DSCAM: variants seen among roughly 807,000 people sequenced by gnomAD.
DSCAM encodes the protein DS cell adhesion molecule.
DSCAM carries 47 observed loss-of-function variants against 217.7 expected under a neutral mutation model. The observed-to-expected ratio is 0.22, with a 90% CI of 0.17 to 0.28. The LOEUF is 0.28. Among genes scored for constraint, DSCAM ranks in the 10% least tolerant of loss-of-function variants. The pLI, the probability that DSCAM is intolerant of heterozygous loss-of-function variation, is 1.00. For synonymous variants in DSCAM, 1,056 were observed against 1,015.3 expected (o/e 1.04, Z -0.76); for missense variants, 2,080 against 2,618.3 (o/e 0.79, Z 4.49).
At chr21:40,497,115 T>C (rs991115083) in intron 3 of DSCAM, among the ~76,000 whole-genome samples, 2 of 152,180 alleles carry the variant, frequency 1.3e-5, no homozygotes, top group South Asian at 2.1e-4. Flanking sequence ...AGAACTACCA[T>C]ATTATCCAGT....
chr21:40,175,811 A>ACACACG (rs1555886111), intron 15 of DSCAM, among the ~76,000 whole-genome samples: 164 of 127,538 alleles, frequency 1.3e-3, no homozygotes, highest in African/African-American at 3.0e-3. Context: ...ACACACACGC[A>ACACACG]CACACACACA....
intron 3 of DSCAM, among the ~76,000 whole-genome samples, chr21:40,524,340 C>CT (rs925592122): frequency 1.5e-4 from 23 of 151,794 alleles, no homozygotes; most frequent in Non-Finnish European, 2.8e-4. Context: ...GGATAATTCT[C>CT]TTTTTTTTCC....
At chr21:40,138,294 T>C (rs1416094916) in intron 18 of DSCAM, among the ~76,000 whole-genome samples, 1 of 148,662 alleles carries the variant, frequency 6.7e-6, no homozygotes, top group Non-Finnish European at 1.5e-5. Context: ...TGTGTGTACC[T>C]GTGTGCGTGG....
At chr21:40,835,381 T>C (rs540143390) in intron 1 of DSCAM, among the ~76,000 whole-genome samples, 1 of 152,330 alleles carries the variant, frequency 6.6e-6, no homozygotes, top group East Asian at 1.9e-4. Flanking sequence ...TCTTCTGCAA[T>C]TCCCCTGTCA....
At chr21:40,485,277 C>T (rs1191470474) in intron 3 of DSCAM, among the ~76,000 whole-genome samples, 3 of 144,688 alleles carry the variant, frequency 2.1e-5, no homozygotes, top group Admixed American at 7.1e-5. Flanking sequence ...GCCTCGCTGT[C>T]GCCCAGGCTG....
intron 10 of DSCAM, among the ~76,000 whole-genome samples, chr21:40,294,917 A>G (rs1278735508): frequency 6.6e-6 from 1 of 152,108 alleles, no homozygotes; most frequent in Non-Finnish European, 1.5e-5. Context: ...TGCTTCAGGG[A>G]CTTTTAAAAA....
At chr21:40,342,687 G>T (rs1601567958) in intron 6 of DSCAM, among the ~76,000 whole-genome samples, 3 of 92,414 alleles carry the variant, frequency 3.2e-5, no homozygotes, top group South Asian at 3.4e-4. Flanking sequence ...CTCTCCCTCT[G>T]TTGTCCTTGG....
At chr21:40,157,245 A>G (rs546501663) in intron 16 of DSCAM, among the ~76,000 whole-genome samples, 9 of 152,334 alleles carry the variant, frequency 5.9e-5, no homozygotes, top group South Asian at 2.1e-4. Flanking sequence ...AGAATTGAGC[A>G]GTTAAGACCG....
intron 3 of DSCAM, among the ~76,000 whole-genome samples, chr21:40,484,253 T>C (rs1386820313): frequency 6.6e-6 from 1 of 152,188 alleles, no homozygotes; most frequent in Non-Finnish European, 1.5e-5. Context: ...TGGGCAGAAA[T>C]TGAGTAAGTG....
chr21:40,549,136 C>T (rs1046225879), intron 3 of DSCAM, among the ~76,000 whole-genome samples: 1 of 152,008 alleles, frequency 6.6e-6, no homozygotes, highest in African/African-American at 2.4e-5. Context: ...GCCTGGGAGC[C>T]GAGATTGCAC....
At chr21:40,174,210 C>T (rs542122176) in intron 15 of DSCAM, among the ~76,000 whole-genome samples, 22 of 152,158 alleles carry the variant, frequency 1.4e-4, no homozygotes, top group South Asian at 4.1e-4. Context: ...ATGAAGACTG[C>T]GCTGAATGGT....
At position 40,259,522 on chromosome 21, in the gene DSCAM, C is replaced by A. The variant is rs555689585; in HGVS notation, c.2356+16575G>T. 3.9e-5 allele frequency among the ~76,000 whole-genome samples: 6 copies of A among 152,180 alleles called. No homozygotes were observed. The South Asian group carries it at 1.2e-3, about 32-fold the overall frequency. ...AACCAGAGATGAGAATTAGGCCACA[C>A]CTGTAAAGAGGCGATGCATCTGGGC... On this transcript the variant is annotated intron_variant, in intron 11 of 32. Coordinates refer to ENST00000400454, the MANE Select transcript of DSCAM (RefSeq NM_001389.5).
intron 1 of DSCAM, among the ~76,000 whole-genome samples, chr21:40,758,796 T>G (rs1419212438): frequency 6.6e-6 from 1 of 152,096 alleles, no homozygotes; most frequent in Non-Finnish European, 1.5e-5. Flanking sequence ...TGGTCTTGTC[T>G]TCCTCCCAGT....
chr21:40,040,223 C>G (rs1402260912), intron 32 of DSCAM, among the ~76,000 whole-genome samples: 2 of 152,096 alleles, frequency 1.3e-5, no homozygotes, highest in African/African-American at 4.8e-5. Flanking sequence ...ATTATTCAAA[C>G]CTATATTTAT....
intron 1 of DSCAM, among the ~76,000 whole-genome samples, chr21:40,736,261 C>G (rs893895993): frequency 2.0e-5 from 3 of 152,162 alleles, no homozygotes; most frequent in Non-Finnish European, 2.9e-5. Flanking sequence ...GAGCTCTCCT[C>G]TGAAGCCCAT....
At chr21:40,075,448 C>T (rs74957566) in intron 26 of DSCAM, among the ~76,000 whole-genome samples, 3,791 of 152,240 alleles carry the variant, frequency 0.025, 180 homozygotes, top group African/African-American at 0.086. Flanking sequence ...CTTCATTTTG[C>T]AATGCACTAC....
chr21:40,100,179 G>A (rs2089732053), intron 20 of DSCAM, among the ~76,000 whole-genome samples: 1 of 152,160 alleles, frequency 6.6e-6, no homozygotes, highest in Non-Finnish European at 1.5e-5. Context: ...ATTAGCTATG[G>A]ATGGTGCATA....
chr21:40,266,843 C>A (rs2073544173), intron 11 of DSCAM, among the ~76,000 whole-genome samples: 4 of 138,672 alleles, frequency 2.9e-5, no homozygotes, highest in African/African-American at 5.4e-5. Context: ...TACTACTAAG[C>A]CATAAAAATA....
At chr21:40,212,136 A>C (rs189394781) in intron 11 of DSCAM, among the ~76,000 whole-genome samples, 8 of 151,616 alleles carry the variant, frequency 5.3e-5, no homozygotes, top group Non-Finnish European at 1.0e-4. Flanking sequence ...CGCCTGGCTA[A>C]TTTTTTTATT....
Sources: gnomAD v4.1 joint callset for allele counts (sites outside exome capture counted in the v4.1 genomes callset) on GRCh38, gnomAD v4.1.1 for gene constraint, MANE v1.5 for transcripts, NCBI Gene and HGNC (gene_info 2026-07-23, HGNC 2026-07-21) for gene names.